SRPK2: variants seen among roughly 807,000 people sequenced by gnomAD.
The protein encoded by SRPK2 is SFRS protein kinase 2.
Under a neutral mutation model 90.8 loss-of-function variants are expected in SRPK2, and 21 were observed. That is an observed-to-expected ratio of 0.23 (90% CI 0.16 to 0.33). SRPK2 has a LOEUF of 0.33. SRPK2 is among the 10% of genes least tolerant of loss of function. The pLI is 1.00. For missense variants in SRPK2, 620 were observed against 869.0 expected (o/e 0.71, Z 3.60); for synonymous variants, 288 against 311.1 (o/e 0.93, Z 0.78).
intron 2 of SRPK2, among the ~76,000 whole-genome samples, chr7:105,350,634 C>T (rs1163891229): frequency 6.6e-6 from 1 of 150,810 alleles, no homozygotes; most frequent in East Asian, 1.9e-4. Context: ...AAGTAATTCT[C>T]CTGCCTCAGC....
intron 15 of SRPK2, 92 bp downstream of exon 15, chr7:105,126,156 G>T: frequency 9.1e-7 from 1 of 1,101,358 alleles, no homozygotes; most frequent in South Asian, 1.3e-5. Context: ...GAATTTAGGA[G>T]AAATGCCTTT....
At chr7:105,191,825 CCTCTTTAAAACCTACA>C in intron 3 of SRPK2, among the ~76,000 whole-genome samples, 1 of 151,674 alleles carries the variant, frequency 6.6e-6, no homozygotes, top group Non-Finnish European at 1.5e-5. Context: ...ATAGCACTTC[CCTCTTTAAAACCTACA>C]CTGGTTCTTT....
chr7:105,193,122 T>C (rs1370793860), intron 3 of SRPK2, among the ~76,000 whole-genome samples: 2 of 152,242 alleles, frequency 1.3e-5, no homozygotes, highest in African/African-American at 4.8e-5. Context: ...CCTAAGCCAA[T>C]GTCTAGAAGG....
At chr7:105,147,130 GCTTA>G (rs1804758952) in intron 7 of SRPK2, among the ~76,000 whole-genome samples, 1 of 151,906 alleles carries the variant, frequency 6.6e-6, no homozygotes, top group Non-Finnish European at 1.5e-5. Flanking sequence ...CTTTTCTCTA[GCTTA>G]CTTTGTTGTA....
At chr7:105,318,045 CCAT>C (rs1452937241) in intron 2 of SRPK2, among the ~76,000 whole-genome samples, 1 of 152,172 alleles carries the variant, frequency 6.6e-6, no homozygotes, top group Non-Finnish European at 1.5e-5. Flanking sequence ...GCATGAGCCA[CCAT>C]GCCGAGCCAA....
intron 1 of SRPK2, among the ~76,000 whole-genome samples, chr7:105,394,707 A>G (rs906007958): frequency 2.0e-5 from 3 of 152,230 alleles, no homozygotes; most frequent in African/African-American, 7.2e-5. Flanking sequence ...AATACCTATT[A>G]TGTAGCAAGC....
rs1799798936 is a variant in SRPK2 at position 105,118,001 on chromosome 7, T to C, written c.1937A>G (p.Lys646Arg). The C allele has an allele frequency of 1.2e-6, 2 of 1,614,022 alleles. No individual in the cohort carries two copies. The highest frequency in any genetic ancestry group is 2.7e-5 in the African/African-American group (2 of 74,934). Residue 646 changes from lysine (K) to arginine (R), a missense_variant, in exon 16 of 16, where the codon AAG becomes AGG. Lys to Arg is a conservative substitution (Grantham distance 26). Transcript: ENST00000393651. Reference sequence around the variant, plus strand: ...ATCAAAGAGGCTCCAGGGCTTCAGCTTGGTGATGTGTCGCAGTTCTCCTAC... The same window carrying C: ...ATCAAAGAGGCTCCAGGGCTTCAGCCTGGTGATGTGTCGCAGTTCTCCTAC... Reference protein sequence around the residue: ...NRRGELRHITKLKPWSLFDVL... With the variant: ...NRRGELRHITRLKPWSLFDVL...
intron 2 of SRPK2, among the ~76,000 whole-genome samples, chr7:105,231,219 G>C (rs866216424): frequency 3.3e-5 from 5 of 152,108 alleles, no homozygotes; most frequent in Non-Finnish European, 5.9e-5. Context: ...TTTCCTAAGG[G>C]TAATAGCCTC....
chr7:105,350,591 T>C (rs1817060484), intron 2 of SRPK2, among the ~76,000 whole-genome samples: 2 of 149,758 alleles, frequency 1.3e-5, no homozygotes, highest in Non-Finnish European at 3.0e-5. Context: ...TGGCTCAATC[T>C]GAGCTCACCG....
chr7:105,126,526 G>A (rs1160900302), intron 14 of SRPK2, among the ~76,000 whole-genome samples, 186 bp from the exon 15 acceptor site: 2 of 152,212 alleles, frequency 1.3e-5, no homozygotes, highest in African/African-American at 4.8e-5. Context: ...AGCAGTAACA[G>A]TGACTGAGGC....
At chr7:105,239,502 T>A (rs1800539060) in intron 2 of SRPK2, among the ~76,000 whole-genome samples, 1 of 152,318 alleles carries the variant, frequency 6.6e-6, no homozygotes, top group Non-Finnish European at 1.5e-5. Context: ...AAATAATACA[T>A]CTTTGTTTTC....
chr7:105,340,399 CTTT>C (rs781142110), intron 2 of SRPK2, among the ~76,000 whole-genome samples: 15 of 128,298 alleles, frequency 1.2e-4, no homozygotes, highest in African/African-American at 2.8e-4. Flanking sequence ...CTTTTCTCTC[CTTT>C]TTTTTTTTTT....
chr7:105,388,496 G>GCCGC, intron 2 of SRPK2, 152 bp downstream of exon 2: 1 of 329,684 alleles, frequency 3.0e-6, no homozygotes, highest in South Asian at 1.3e-4. Context: ...CTCCCCCCGG[G>GCCGC]CCGCCCGCCG....
At chr7:105,153,754 A>C (rs962174113) in intron 7 of SRPK2, among the ~76,000 whole-genome samples, 15 of 152,136 alleles carry the variant, frequency 9.9e-5, no homozygotes, top group Non-Finnish European at 1.9e-4. Flanking sequence ...AACAGAACCT[A>C]ATGAAGCACC....
At position 105,382,578 on chromosome 7, in the gene SRPK2, A is replaced by G. The variant is rs1029576991; in HGVS notation, c.71+6070T>C. Among the ~76,000 whole-genome samples the G allele has an allele frequency of 2.1e-5, 3 of 139,638 alleles. No homozygotes were observed. In the South Asian group the frequency reaches 7.2e-4, roughly 34 times the overall value. The allele number at this position is 139,638 out of a possible 152,430, so 91.6% of individuals were successfully genotyped here. A position where few individuals can be genotyped will look rare whatever the true frequency, so the allele number is the denominator to read the frequency against. On this transcript the variant is annotated intron_variant, in intron 2 of 15. Transcript: ENST00000393651. ...AAAAAAAAAAAAAAAAAAAAAAAAA[A>G]GGAATGCTCTGCTCACACAGGCAAC... is the stretch of plus-strand genomic sequence containing the variant.
chr7:105,126,446 C>A, intron 14 of SRPK2, 106 bp from the exon 15 acceptor site: 1 of 828,076 alleles, frequency 1.2e-6, no homozygotes, highest in South Asian at 1.6e-5. Flanking sequence ...GAAATAGATT[C>A]AAATCAACAG....
At chr7:105,361,193 G>C (rs1211208210) in intron 2 of SRPK2, among the ~76,000 whole-genome samples, 3 of 152,006 alleles carry the variant, frequency 2.0e-5, no homozygotes, top group Non-Finnish European at 2.9e-5. Flanking sequence ...AACACACAGA[G>C]AGCCAAATCA....
At chr7:105,267,824 A>AT (rs1180738482) in intron 2 of SRPK2, among the ~76,000 whole-genome samples, 1 of 151,890 alleles carries the variant, frequency 6.6e-6, no homozygotes, top group Non-Finnish European at 1.5e-5. Flanking sequence ...TTTCTCCATT[A>AT]TTTTTCTAAA....
chr7:105,343,057 T>A (rs2131914725), intron 2 of SRPK2, among the ~76,000 whole-genome samples: 1 of 152,196 alleles, frequency 6.6e-6, no homozygotes, highest in South Asian at 2.1e-4. Flanking sequence ...AGATAAGTGG[T>A]AAGAGATGGT....
Sources: allele counts gnomAD v4.1 joint callset (sites outside exome capture counted in the v4.1 genomes callset), GRCh38; gene constraint gnomAD v4.1.1; transcripts MANE v1.5; gene names NCBI Gene and HGNC (gene_info 2026-07-23, HGNC 2026-07-21).